The following CNTNAP2 variants were observed in gnomAD, a reference collection of about 807,000 sequenced individuals.
The protein encoded by CNTNAP2 is contactin associated protein 2.
A neutral mutation model predicts 155.2 loss-of-function variants in CNTNAP2; 98 were observed. The observed-to-expected ratio is 0.63, with a 90% CI of 0.54 to 0.75. The LOEUF is 0.75. Ranked by LOEUF, CNTNAP2 falls within the 30% of genes least tolerant of loss-of-function variation. CNTNAP2 has a pLI of 0.00. For synonymous variants in CNTNAP2, 651 were observed against 631.2 expected, an observed-to-expected ratio of 1.03 and a Z score of -0.47; for missense variants, 1,727 against 1,688.1, an observed-to-expected ratio of 1.02 and a Z score of -0.40.
chr7:146,845,445 T>C (rs1456441649), intron 3 of CNTNAP2, among the ~76,000 whole-genome samples: 2 of 152,212 alleles, frequency 1.3e-5, no homozygotes, highest in Non-Finnish European at 2.9e-5. Flanking sequence ...TAATTCCTAT[T>C]GGGATATTTA....
At chr7:147,570,835 A>T (rs1800273856) in intron 12 of CNTNAP2, among the ~76,000 whole-genome samples, 1 of 152,240 alleles carries the variant, frequency 6.6e-6, no homozygotes, top group Admixed American at 6.5e-5. Flanking sequence ...ATGTGCACAC[A>T]CAAGTTCACA....
At position 147,591,305 on chromosome 7, in the gene CNTNAP2, G is replaced by A. The variant is rs143850803; in HGVS notation, c.1897+29048G>A. Among the ~76,000 whole-genome samples the A allele has an allele frequency of 3.4e-3, 519 of 152,202 alleles. 5 individuals are homozygous for A. The highest frequency in any genetic ancestry group is 3.1e-3 in the Non-Finnish European group (212 of 68,002). Reference sequence around the variant, plus strand: ...TGTCTGTAGGTTTATTTTTTTGTCTGTGGCCTTTCTCCTTGGCAGATGACA... The same window carrying A: ...TGTCTGTAGGTTTATTTTTTTGTCTATGGCCTTTCTCCTTGGCAGATGACA... On this transcript the variant is annotated intron_variant, in intron 12 of 23. Transcript: ENST00000361727.
intron 1 of CNTNAP2, among the ~76,000 whole-genome samples, chr7:146,169,839 C>A (rs868799552): frequency 6.6e-6 from 1 of 150,880 alleles, no homozygotes. Context: ...TTATATATAT[C>A]ATTGTTTCTT....
intron 16 of CNTNAP2, among the ~76,000 whole-genome samples, chr7:148,130,396 T>G (rs1264552827): frequency 1.3e-5 from 2 of 152,212 alleles, no homozygotes; most frequent in Non-Finnish European, 2.9e-5. Context: ...CCTCCCAGGA[T>G]GGCTTTGCTA....
At chr7:146,618,611 T>C (rs192474023) in intron 1 of CNTNAP2, among the ~76,000 whole-genome samples, 2 of 152,216 alleles carry the variant, frequency 1.3e-5, no homozygotes, top group East Asian at 1.9e-4. Context: ...TCTGCACTTA[T>C]AAGCATTGCA....
At chr7:148,144,779 C>CA (rs1391309583) in intron 16 of CNTNAP2, among the ~76,000 whole-genome samples, 2 of 152,134 alleles carry the variant, frequency 1.3e-5, no homozygotes, top group East Asian at 3.9e-4. Context: ...AACAGGGCAA[C>CA]ACTTCAGTCT....
At chr7:147,474,365 G>A (rs1432827536) in intron 10 of CNTNAP2, among the ~76,000 whole-genome samples, 7 of 151,916 alleles carry the variant, frequency 4.6e-5, no homozygotes, top group Admixed American at 3.3e-4. Context: ...AGGCCAAGGT[G>A]GGCAGATCAC....
intron 18 of CNTNAP2, among the ~76,000 whole-genome samples, chr7:148,173,133 A>G (rs1794855795): frequency 6.6e-6 from 1 of 152,194 alleles, no homozygotes; most frequent in Non-Finnish European, 1.5e-5. Context: ...TAGATTCCGC[A>G]GAGCCAATGA....
intron 23 of CNTNAP2, among the ~76,000 whole-genome samples, chr7:148,412,019 T>C (rs533566790): frequency 2.0e-5 from 3 of 152,224 alleles, no homozygotes; most frequent in Admixed American, 2.0e-4. Flanking sequence ...TCTCGGCTCA[T>C]GCAACCTCCG....
chr7:146,354,645 C>A (rs1250374267), intron 1 of CNTNAP2, among the ~76,000 whole-genome samples: 1 of 151,954 alleles, frequency 6.6e-6, no homozygotes, highest in Non-Finnish European at 1.5e-5. Context: ...AAATTCCTGG[C>A]CTTAGGTGAT....
chr7:146,879,174 C>T (rs1407600301), intron 3 of CNTNAP2, among the ~76,000 whole-genome samples: 2 of 152,124 alleles, frequency 1.3e-5, no homozygotes, highest in Non-Finnish European at 2.9e-5. Context: ...ATCATTTTCC[C>T]ATCACTGCAT....
chr7:146,455,064 C>T (rs1468812628), intron 1 of CNTNAP2, among the ~76,000 whole-genome samples: 4 of 152,116 alleles, frequency 2.6e-5, no homozygotes, highest in African/African-American at 7.2e-5. Flanking sequence ...ACTGCTCGGG[C>T]TCCTCTCTCA....
chr7:148,068,778 T>C (rs762130672), intron 15 of CNTNAP2, among the ~76,000 whole-genome samples: 11 of 152,226 alleles, frequency 7.2e-5, no homozygotes, highest in Non-Finnish European at 1.6e-4. Context: ...ATTCTTAATC[T>C]GTGTGAGTAG....
intron 5 of CNTNAP2, among the ~76,000 whole-genome samples, chr7:147,120,313 A>G (rs1392038718): frequency 6.6e-6 from 1 of 152,174 alleles, no homozygotes; most frequent in African/African-American, 2.4e-5. Flanking sequence ...ATGCAACCTT[A>G]CAAAGCAGGT....
rs1317271614 is a variant in CNTNAP2 at position 148,147,479 on chromosome 7, C to T, written c.2555-12C>T. ...AAAATACTCATGTTTTTCATGCTTT[C>T]TGCTCCTCCAGCTGCCACAGAAGTG... On this transcript the variant is annotated splice_polypyrimidine_tract_variant and intron_variant, in intron 16 of 23. Coordinates refer to ENST00000361727, the MANE Select transcript of CNTNAP2 (RefSeq NM_014141.6). 6.2e-7 allele frequency: 1 copy of T among 1,612,938 alleles called. No homozygotes were observed. The highest frequency in any genetic ancestry group is 2.2e-5 in the East Asian group (1 of 44,868).
intron 2 of CNTNAP2, among the ~76,000 whole-genome samples, chr7:146,832,428 T>G (rs1322605488): frequency 6.6e-6 from 1 of 150,490 alleles, no homozygotes; most frequent in East Asian, 1.9e-4. Flanking sequence ...CTACTGCAAA[T>G]TTTAACAGGT....
intron 8 of CNTNAP2, among the ~76,000 whole-genome samples, chr7:147,220,133 C>T (rs1033581274): frequency 2.6e-5 from 4 of 151,970 alleles, no homozygotes; most frequent in Admixed American, 2.0e-4. Flanking sequence ...CACTATTGCA[C>T]TGGGGATTAA....
chr7:148,336,264 C>T (rs990329912), intron 21 of CNTNAP2, among the ~76,000 whole-genome samples: 1 of 151,876 alleles, frequency 6.6e-6, no homozygotes, highest in Non-Finnish European at 1.5e-5. Context: ...AATTCTAGTC[C>T]TTATTTAATA....
chr7:146,700,861 A>G (rs1438626680), intron 1 of CNTNAP2, among the ~76,000 whole-genome samples: 1 of 152,168 alleles, frequency 6.6e-6, no homozygotes, highest in Non-Finnish European at 1.5e-5. Flanking sequence ...GATATAATCC[A>G]TCAAATACTG....
Sources: allele counts gnomAD v4.1 joint callset (sites outside exome capture counted in the v4.1 genomes callset), GRCh38; gene constraint gnomAD v4.1.1; transcripts MANE v1.5; gene names NCBI Gene and HGNC (gene_info 2026-07-23, HGNC 2026-07-21).